CNTNAP2: variants seen among roughly 807,000 people sequenced by gnomAD.
CNTNAP2 encodes the protein contactin associated protein 2.
Under a neutral mutation model 155.2 loss-of-function variants are expected in CNTNAP2, and 98 were observed. The observed-to-expected ratio is 0.63, with a 90% CI of 0.54 to 0.75. The LOEUF (loss-of-function observed/expected upper bound fraction) is 0.75. CNTNAP2 is among the 30% of genes least tolerant of loss of function. The probability of loss-of-function intolerance (pLI) is 0.00; values close to 1 mark genes in which losing one functional copy is unlikely to be tolerated. For missense variants in CNTNAP2, 1,727 were observed against 1,688.1 expected (o/e 1.02, Z -0.40); for synonymous variants, 651 against 631.2 (o/e 1.03, Z -0.47).
intron 11 of CNTNAP2, among the ~76,000 whole-genome samples, chr7:147,507,264 A>G (rs1179147183): frequency 6.6e-6 from 1 of 152,200 alleles, no homozygotes; most frequent in Admixed American, 6.5e-5. Flanking sequence ...AGTAGATAAG[A>G]ATGCAGGGGT....
intron 8 of CNTNAP2, among the ~76,000 whole-genome samples, chr7:147,208,603 G>A (rs1584793854): frequency 6.6e-6 from 1 of 151,878 alleles, no homozygotes; most frequent in Admixed American, 6.6e-5. Flanking sequence ...AAGTAATGAA[G>A]CCATATAAAT....
At chr7:146,583,514 A>G (rs1376256107) in intron 1 of CNTNAP2, among the ~76,000 whole-genome samples, 2 of 152,172 alleles carry the variant, frequency 1.3e-5, no homozygotes, top group East Asian at 1.9e-4. Context: ...GAGGTGGATC[A>G]GGGAAGGTTT....
At chr7:146,961,957 G>A (rs1312815599) in intron 3 of CNTNAP2, among the ~76,000 whole-genome samples, 1 of 152,042 alleles carries the variant, frequency 6.6e-6, no homozygotes, top group African/African-American at 2.4e-5. Context: ...GAGAGACTTA[G>A]GCAATTAAAG....
intron 2 of CNTNAP2, among the ~76,000 whole-genome samples, chr7:146,812,683 G>T (rs1803090141): frequency 6.6e-6 from 1 of 152,070 alleles, no homozygotes; most frequent in South Asian, 2.1e-4. Flanking sequence ...GCTCACTACA[G>T]AAATTTGCAT....
chr7:147,512,800 T>C (rs946007220), intron 11 of CNTNAP2, among the ~76,000 whole-genome samples: 10 of 152,282 alleles, frequency 6.6e-5, no homozygotes, highest in East Asian at 1.9e-4. Flanking sequence ...CAAAGATTTA[T>C]GTATGCTTTT....
chr7:146,503,700 C>A (rs1797339710), intron 1 of CNTNAP2, among the ~76,000 whole-genome samples: 1 of 152,152 alleles, frequency 6.6e-6, no homozygotes, highest in Non-Finnish European at 1.5e-5. Context: ...CTGTACTTTA[C>A]CTAATGTGTG....
rs184064223 is a variant in CNTNAP2 at position 147,565,526 on chromosome 7, T to G, written c.1897+3269T>G. ...ATTGGGACCAGCTCTGAAGCTATTA[T>G]TGCAAAAGTCCAATGAAGAGATGAT... is the stretch of plus-strand genomic sequence containing the variant. On this transcript the variant is annotated intron_variant, in intron 12 of 23. Coordinates refer to ENST00000361727, the MANE Select transcript of CNTNAP2 (RefSeq NM_014141.6). Among the ~76,000 whole-genome samples, 378 of 152,240 alleles carry G rather than the reference T, an allele frequency of 2.5e-3. 8 individuals are homozygous for G. The highest frequency in any genetic ancestry group is 1.2e-3 in the East Asian group (6 of 5,168).
chr7:146,876,283 T>G (rs1468624397), intron 3 of CNTNAP2, among the ~76,000 whole-genome samples: 1 of 152,110 alleles, frequency 6.6e-6, no homozygotes, highest in Non-Finnish European at 1.5e-5. Context: ...GCTGCTGGCT[T>G]GTATTTGCTG....
rs113802940 is a variant in CNTNAP2, at chr7:147,377,108, C to G, written c.1499-18501C>G. 2.3e-3 allele frequency among the ~76,000 whole-genome samples: 354 copies of G among 150,736 alleles called. 3 individuals carry two copies. Among genetic ancestry groups the G allele is most frequent in the African/African-American group, 8.3e-3 (340 of 41,064 alleles). ...TTTCTACCATCTTATTTTGCTTTTT[C>G]TTTTTGATTTTCCTTTATTCCTTCT... is the stretch of plus-strand genomic sequence containing the variant. On this transcript the variant is annotated intron_variant, in intron 9 of 23. Transcript: ENST00000361727.
chr7:147,857,989 A>T (rs1215988990), intron 13 of CNTNAP2, among the ~76,000 whole-genome samples: 1 of 152,230 alleles, frequency 6.6e-6, no homozygotes, highest in Non-Finnish European at 1.5e-5. Context: ...CGATCTTTTT[A>T]AAACTATCAG....
chr7:147,954,594 A>T (rs1044266239), intron 14 of CNTNAP2, among the ~76,000 whole-genome samples: 1 of 152,176 alleles, frequency 6.6e-6, no homozygotes, highest in South Asian at 2.1e-4. Context: ...AATTATGTTT[A>T]TTTCTAGCAC....
rs1180445290 is a variant in CNTNAP2, at chr7:147,395,756, T to A, written c.1646T>A (p.Ile549Asn). ...RKPGSFANVS[I>N]DMCAIIDRCV... ...CCGGGAAGTTTCGCGAATGTCAGCA[T>A]TGACATGTGTGCGATCATAGACAGG... Residue 549 changes from isoleucine to asparagine, a missense_variant, in exon 10 of 24, where the codon ATT becomes AAT. By Grantham distance (149) the Ile-to-Asn change is moderately radical (BLOSUM62 -3). Transcript: ENST00000361727. 1 of 1,612,400 alleles carries A rather than the reference T, an allele frequency of 6.2e-7. No homozygotes were observed. The highest frequency in any genetic ancestry group is 2.2e-5 in the East Asian group (1 of 44,842).
At chr7:146,739,837 C>A (rs375451231) in intron 1 of CNTNAP2, among the ~76,000 whole-genome samples, 83 of 151,978 alleles carry the variant, frequency 5.5e-4, no homozygotes, top group African/African-American at 1.9e-3. Flanking sequence ...TGGGTACATA[C>A]GTATTTACAA....
intron 3 of CNTNAP2, among the ~76,000 whole-genome samples, chr7:146,948,777 G>T (rs1386908518): frequency 6.6e-6 from 1 of 152,126 alleles, no homozygotes; most frequent in East Asian, 1.9e-4. Context: ...AAATTAACTT[G>T]TGGTGGTGTA....
At chr7:147,706,825 A>G (rs138239272) in intron 13 of CNTNAP2, among the ~76,000 whole-genome samples, 1 of 152,146 alleles carries the variant, frequency 6.6e-6, no homozygotes, top group African/African-American at 2.4e-5. Context: ...ATTCTTTTTA[A>G]TTTTTTAAAA....
chr7:148,027,201 T>C (rs543678296), intron 15 of CNTNAP2, among the ~76,000 whole-genome samples: 13 of 152,318 alleles, frequency 8.5e-5, no homozygotes, highest in African/African-American at 3.1e-4. Flanking sequence ...CCTAAATAAG[T>C]ACTTCTCTCT....
intron 8 of CNTNAP2, among the ~76,000 whole-genome samples, chr7:147,184,060 A>C (rs1802517846): frequency 6.6e-6 from 1 of 152,200 alleles, no homozygotes; most frequent in Non-Finnish European, 1.5e-5. Flanking sequence ...TACCCATTAA[A>C]AATTATTAGA....
rs572645989 is a variant in CNTNAP2 at position 146,403,888 on chromosome 7, G to A, written c.97+286915G>A. On this transcript the variant is annotated intron_variant, in intron 1 of 23. Coordinates refer to ENST00000361727, the MANE Select transcript of CNTNAP2 (RefSeq NM_014141.6). ...CTTAAAAAACAAAGACACTTTGGGA[G>A]GCCGAGGCGGGCGGATCACGAGGTC... 4.2e-3 allele frequency among the ~76,000 whole-genome samples: 639 copies of A among 152,086 alleles called. 2 individuals are homozygous for A. Among genetic ancestry groups the A allele is most frequent in the Non-Finnish European group, 7.9e-3 (537 of 68,000 alleles).
At chr7:146,133,791 G>C (rs941719323) in intron 1 of CNTNAP2, among the ~76,000 whole-genome samples, 1 of 152,180 alleles carries the variant, frequency 6.6e-6, no homozygotes, top group African/African-American at 2.4e-5. Flanking sequence ...TTTGGTACCA[G>C]TACCATGCTG....
Sources: allele counts gnomAD v4.1 joint callset (sites outside exome capture counted in the v4.1 genomes callset), GRCh38; gene constraint gnomAD v4.1.1; transcripts MANE v1.5; gene names NCBI Gene and HGNC (gene_info 2026-07-23, HGNC 2026-07-21).